ZMAT4: variants seen among roughly 807,000 people sequenced by gnomAD.
The protein encoded by ZMAT4 is zinc finger matrin-type protein 4.
In ZMAT4, 17 loss-of-function variants were observed where a neutral mutation model predicts 28.7. The observed-to-expected ratio is 0.59, with a 90% confidence interval of 0.41 to 0.89. ZMAT4 has a LOEUF of 0.89. ZMAT4 is among the 40% of genes least tolerant of loss of function. The pLI, the probability that ZMAT4 is intolerant of heterozygous loss-of-function variation, is 0.00. For synonymous variants in ZMAT4, 117 were observed against 109.2 expected (o/e 1.07, Z -0.44); for missense variants, 240 against 283.8 (o/e 0.85, Z 1.11).
chr8:40,573,785 C>T (rs1403042103), intron 6 of ZMAT4, among the ~76,000 whole-genome samples: 1 of 152,100 alleles, frequency 6.6e-6, no homozygotes, highest in Middle Eastern at 3.2e-3. Context: ...AAAGTGGACC[C>T]ATATTTGTTG....
intron 5 of ZMAT4, among the ~76,000 whole-genome samples, chr8:40,641,772 A>C (rs902864663): frequency 4.6e-5 from 7 of 152,194 alleles, no homozygotes; most frequent in African/African-American, 1.7e-4. Context: ...TTAAGTATAC[A>C]ATACAGTATT....
At chr8:40,859,767 G>A (rs1481653264) in intron 1 of ZMAT4, among the ~76,000 whole-genome samples, 1 of 152,016 alleles carries the variant, frequency 6.6e-6, no homozygotes, top group African/African-American at 2.4e-5. Flanking sequence ...ATGACTATGA[G>A]CAGCCAAGTT....
intron 3 of ZMAT4, among the ~76,000 whole-genome samples, chr8:40,699,273 C>T (rs374932267): frequency 1.1e-3 from 164 of 152,118 alleles, no homozygotes; most frequent in African/African-American, 3.7e-3. Flanking sequence ...AAACTTGGTG[C>T]CTCTTTACTA....
At position 40,611,981 on chromosome 8, in the gene ZMAT4, G is replaced by A. The variant is rs1285699953; in HGVS notation, c.578-30720C>T. On this transcript the variant is annotated intron_variant, in intron 5 of 6. Transcript: ENST00000297737. ...CAGACCCCCACTGTCATTGTTGAAA[G>A]GCTGGAGTAGTCCAGCACATGGGAG... Among the ~76,000 whole-genome samples the A allele has an allele frequency of 2.0e-5, 3 of 152,140 alleles. No individual in the cohort carries two copies. In the East Asian group the frequency reaches 5.8e-4, roughly 29 times the overall value.
chr8:40,535,734 A>G (rs186200081), intron 6 of ZMAT4, among the ~76,000 whole-genome samples: 1 of 152,182 alleles, frequency 6.6e-6, no homozygotes, highest in Non-Finnish European at 1.5e-5. Flanking sequence ...TGGAGGAAGA[A>G]AGAAGAAAGC....
At chr8:40,593,147 C>T (rs558229114) in intron 5 of ZMAT4, among the ~76,000 whole-genome samples, 1 of 152,060 alleles carries the variant, frequency 6.6e-6, no homozygotes, top group African/African-American at 2.4e-5. Flanking sequence ...CCATAGATCT[C>T]GTCGGATATA....
intron 4 of ZMAT4, among the ~76,000 whole-genome samples, chr8:40,680,162 G>C (rs1472167928): frequency 6.6e-6 from 1 of 152,092 alleles, no homozygotes; most frequent in Non-Finnish European, 1.5e-5. Context: ...TTCTGGGGTG[G>C]CCTATATCTG....
At chr8:40,647,807 C>T (rs1039129893) in intron 5 of ZMAT4, among the ~76,000 whole-genome samples, 7 of 152,176 alleles carry the variant, frequency 4.6e-5, no homozygotes, top group African/African-American at 1.7e-4. Flanking sequence ...CACCCCCAAG[C>T]AGGGGCACAC....
At position 40,671,193 on chromosome 8, in the gene ZMAT4, G is replaced by GGTGA. The variant is rs575933704; in HGVS notation, c.577+3507_577+3510dup. On this transcript the variant is annotated intron_variant, in intron 5 of 6. Coordinates refer to ENST00000297737, the MANE Select transcript of ZMAT4 (RefSeq NM_024645.3). Reference sequence around the variant, plus strand: ...TAAAAGACTGACATGAGCAGATGTTGGTGAGGCTATGGAATTTTTATATGT... The same window carrying GGTGA: ...TAAAAGACTGACATGAGCAGATGTTGGTGAGTGAGGCTATGGAATTTTTATATGT... Among the ~76,000 whole-genome samples, 10 of 152,232 alleles carry GGTGA rather than the reference G, an allele frequency of 6.6e-5. No homozygotes were observed. The East Asian group carries it at 1.9e-3, about 29-fold the overall frequency.
chr8:40,778,683 G>C (rs1385405461), intron 2 of ZMAT4, among the ~76,000 whole-genome samples: 2 of 152,124 alleles, frequency 1.3e-5, no homozygotes, highest in African/African-American at 4.8e-5. Flanking sequence ...CAGGCCTTAG[G>C]GGAAGAAGGA....
intron 6 of ZMAT4, among the ~76,000 whole-genome samples, chr8:40,551,100 A>G (rs1292666663): frequency 1.3e-5 from 2 of 152,178 alleles, no homozygotes; most frequent in Non-Finnish European, 2.9e-5. Flanking sequence ...CACAAAAGTG[A>G]GCAGAGTGGC....
chr8:40,570,550 G>C (rs1804063942), intron 6 of ZMAT4, among the ~76,000 whole-genome samples: 1 of 151,884 alleles, frequency 6.6e-6, no homozygotes, highest in Non-Finnish European at 1.5e-5. Context: ...AATACAAAAA[G>C]TTAGCCAGGT....
chr8:40,882,817 A>C (rs1818327691), intron 1 of ZMAT4, among the ~76,000 whole-genome samples: 1 of 152,124 alleles, frequency 6.6e-6, no homozygotes, highest in Admixed American at 6.5e-5. Context: ...CTTGGATTAG[A>C]TCAACTTCGG....
At chr8:40,883,659 G>A (rs550428633) in intron 1 of ZMAT4, among the ~76,000 whole-genome samples, 1 of 152,268 alleles carries the variant, frequency 6.6e-6, no homozygotes, top group South Asian at 2.1e-4. Context: ...AACAAAGCAA[G>A]AGATCTCGAA....
chr8:40,694,073 T>C (rs1809771236), intron 4 of ZMAT4, among the ~76,000 whole-genome samples: 1 of 152,206 alleles, frequency 6.6e-6, no homozygotes, highest in Non-Finnish European at 1.5e-5. Flanking sequence ...CCTTTTTTTT[T>C]CCTTTTGTTT....
intron 2 of ZMAT4, among the ~76,000 whole-genome samples, chr8:40,794,881 C>T (rs759189852): frequency 9.3e-5 from 13 of 139,250 alleles, no homozygotes; most frequent in African/African-American, 2.7e-4. Flanking sequence ...TTACAGGTGG[C>T]GGGGGAGGGT....
intron 5 of ZMAT4, among the ~76,000 whole-genome samples, chr8:40,673,745 T>C (rs959349762): frequency 2.0e-5 from 3 of 152,214 alleles, no homozygotes; most frequent in Admixed American, 2.0e-4. Flanking sequence ...CACAAATTGG[T>C]TGATGGCTTC....
chr8:40,709,765 G>A (rs1188864765), intron 3 of ZMAT4, among the ~76,000 whole-genome samples: 4 of 152,118 alleles, frequency 2.6e-5, no homozygotes, highest in Non-Finnish European at 4.4e-5. Flanking sequence ...TGAGCCGGGC[G>A]TGGTGGCTCA....
intron 6 of ZMAT4, among the ~76,000 whole-genome samples, chr8:40,547,922 C>A (rs1229471776): frequency 6.6e-6 from 1 of 152,092 alleles, no homozygotes; most frequent in Admixed American, 6.5e-5. Context: ...ATGAAGGATG[C>A]GGAAGCAGGA....
Sources: gnomAD v4.1 joint callset for allele counts (sites outside exome capture counted in the v4.1 genomes callset) on GRCh38, gnomAD v4.1.1 for gene constraint, MANE v1.5 for transcripts, NCBI Gene and HGNC (gene_info 2026-07-23, HGNC 2026-07-21) for gene names.